The following ANO3 variants were observed in gnomAD, a reference collection of about 807,000 sequenced individuals.
ANO3 encodes the protein anoctamin-3.
ANO3 carries 99 observed loss-of-function variants against 144.8 expected under a neutral mutation model. That is an observed-to-expected ratio of 0.68 (90% CI 0.58 to 0.81). The LOEUF (loss-of-function observed/expected upper bound fraction) is 0.81, where lower values mean the gene tolerates loss of function less well. Ranked by LOEUF, ANO3 falls within the 30% of genes least tolerant of loss-of-function variation. The pLI, the probability that ANO3 is intolerant of heterozygous loss-of-function variation, is 0.00. For missense variants in ANO3, 905 were observed against 1,202.2 expected (o/e 0.75, Z 3.66); for synonymous variants, 414 against 392.6 (o/e 1.05, Z -0.64).
At chr11:26,272,081 C>T (rs764838773) in intron 1 of ANO3, among the ~76,000 whole-genome samples, 3 of 152,002 alleles carry the variant, frequency 2.0e-5, no homozygotes, top group Admixed American at 1.3e-4. Context: ...AATCGTCTCC[C>T]GGTGAGCGGT....
chr11:26,255,061 CTTG>C (rs956024687), intron 1 of ANO3, among the ~76,000 whole-genome samples: 47 of 152,226 alleles, frequency 3.1e-4, no homozygotes, highest in Admixed American at 8.5e-4. Context: ...TATGTTCAGC[CTTG>C]TTGTTTATTA....
upstream of ANO3, among the ~76,000 whole-genome samples, chr11:26,330,342 T>A (rs977152630): frequency 6.6e-6 from 1 of 152,154 alleles, no homozygotes; most frequent in African/African-American, 2.4e-5. Flanking sequence ...CTATACAATA[T>A]CTGTATTAAA....
In ANO3 at chr11:26,261,211, A is replaced by AT. The variant is rs200304589; in HGVS notation, c.155-48425dup. Among the ~76,000 whole-genome samples, 297 of 151,068 alleles carry AT rather than the reference A, an allele frequency of 2.0e-3. 2 individuals carry two copies. Among genetic ancestry groups the AT allele is most frequent in the African/African-American group, 6.3e-3 (258 of 41,240 alleles). ...GGTCACTTTGGGATGGCTTTTCACT[A>AT]TTTTTTTTTACTTGTCCATAAAAAA... On this transcript the variant is annotated intron_variant, in intron 1 of 27. Transcript: ENST00000672621.
chr11:26,477,570 C>T (rs1860031004), intron 4 of ANO3, among the ~76,000 whole-genome samples: 1 of 152,120 alleles, frequency 6.6e-6, no homozygotes, highest in South Asian at 2.1e-4. Flanking sequence ...ATTACATGTC[C>T]TCTTATCTGT....
intron 12 of ANO3, among the ~76,000 whole-genome samples, chr11:26,552,416 A>G: frequency 6.6e-6 from 1 of 152,234 alleles, no homozygotes; most frequent in East Asian, 1.9e-4. Flanking sequence ...CATTTTCTAA[A>G]GCCTTTAAAT....
chr11:26,525,758 C>A, intron 7 of ANO3, 79 bp downstream of exon 7: 1 of 1,077,376 alleles, frequency 9.3e-7, no homozygotes, highest in Non-Finnish European at 1.4e-6. Flanking sequence ...TTCCCCATAT[C>A]AGCAGTTGTA....
chr11:26,490,557 A>C (rs7942067), intron 4 of ANO3, among the ~76,000 whole-genome samples: 26,666 of 152,226 alleles, frequency 0.18, 2,579 homozygotes, highest in South Asian at 0.34. Context: ...ATTTCTGATA[A>C]GTCAGCATAG....
chr11:26,458,672 A>T (rs1230370773), intron 3 of ANO3, among the ~76,000 whole-genome samples: 1 of 152,180 alleles, frequency 6.6e-6, no homozygotes, highest in African/African-American at 2.4e-5. Context: ...ATATATAAGC[A>T]TACCATTCAT....
At chr11:26,303,944 A>T (rs369022904) in intron 1 of ANO3, among the ~76,000 whole-genome samples, 156 of 151,656 alleles carry the variant, frequency 1.0e-3, no homozygotes, top group African/African-American at 2.8e-3. Context: ...CGATCTCTTG[A>T]CCTCGTGATC....
intron 1 of ANO3, among the ~76,000 whole-genome samples, chr11:26,433,398 C>G (rs1164301028): frequency 6.6e-6 from 1 of 152,034 alleles, no homozygotes; most frequent in Non-Finnish European, 1.5e-5. Flanking sequence ...TCTCTCTTGC[C>G]TGATTGTTTT....
In ANO3 at chr11:26,443,687, T is replaced by C. The variant is rs561904810; in HGVS notation, c.242-78T>C. The C allele has an allele frequency of 7.6e-5, 48 of 629,576 alleles. No individual in the cohort carries two copies. In the East Asian group the frequency reaches 1.4e-3, roughly 18 times the overall value. 39.0% of individuals were successfully genotyped at this position (629,576 alleles called of 1,614,324 possible). A position where few individuals can be genotyped will look rare whatever the true frequency, so the allele number is the denominator to read the frequency against. ...TTTCATCATGTTTGGCCATCATTTG[T>C]CCATCTATAACCATGGTTATTTTTC... is the stretch of plus-strand genomic sequence containing the variant. On this transcript the variant is annotated intron_variant, in intron 2 of 26. Transcript: ENST00000256737.
intron 14 of ANO3, among the ~76,000 whole-genome samples, chr11:26,595,457 G>GTTTTTTTTTTTTTTTT (rs1411703035): frequency 1.8e-4 from 12 of 67,834 alleles, no homozygotes; most frequent in African/African-American, 5.2e-4. Context: ...TTGAGATAGA[G>GTTTTTTTTTTTTTTTT]TTGTTTTTTT....
intron 16 of ANO3, among the ~76,000 whole-genome samples, 180 bp downstream of exon 16, chr11:26,599,178 G>C (rs1234963897): frequency 6.6e-6 from 1 of 152,144 alleles, no homozygotes; most frequent in Non-Finnish European, 1.5e-5. Flanking sequence ...TACAAAGGCA[G>C]TTTGTGCACC....
intron 1 of ANO3, among the ~76,000 whole-genome samples, chr11:26,248,367 A>G (rs1000448664): frequency 6.6e-6 from 1 of 152,060 alleles, no homozygotes; most frequent in Non-Finnish European, 1.5e-5. Context: ...AAAGAAAGAA[A>G]GAAAAAGGAA....
chr11:26,519,787 G>C (rs1341481244), intron 6 of ANO3, among the ~76,000 whole-genome samples: 1 of 152,082 alleles, frequency 6.6e-6, no homozygotes, highest in African/African-American at 2.4e-5. Context: ...ATTGCAATTG[G>C]TAACAAATGT....
chr11:26,504,872 C>T (rs906061340), intron 4 of ANO3, among the ~76,000 whole-genome samples: 7 of 151,812 alleles, frequency 4.6e-5, no homozygotes, highest in African/African-American at 7.3e-5. Context: ...ATTAGCCGGG[C>T]GTGGTGGCGG....
At chr11:26,233,226 A>C (rs1264160144) in intron 1 of ANO3, among the ~76,000 whole-genome samples, 3 of 147,208 alleles carry the variant, frequency 2.0e-5, no homozygotes, top group Non-Finnish European at 3.0e-5. Flanking sequence ...CAAAAAAAAA[A>C]AAAGAAAAGA....
At position 26,660,935 on chromosome 11, in the gene ANO3, T is replaced by TCC. The variant is rs1853860771; in HGVS notation, c.*493_*494dup. 6.5e-6 allele frequency: 1 copy of TCC among 153,782 alleles called. No individual in the cohort carries two copies. Among genetic ancestry groups the TCC allele is most frequent in the African/African-American group, 2.4e-5 (1 of 41,468 alleles). The allele number at this position is 153,782 out of a possible 1,614,324, so 9.5% of individuals were successfully genotyped here. ...TTGCCTTGGCTGCCAGAACTCTACA[T>TCC]CCCTTCAGTTTACAGGTTGGTAGGA... On this transcript the variant is annotated 3_prime_UTR_variant, in exon 27 of 27. Transcript: ENST00000256737.
At chr11:26,354,848 T>C (rs950834792) in intron 1 of ANO3, among the ~76,000 whole-genome samples, 1 of 152,118 alleles carries the variant, frequency 6.6e-6, no homozygotes, top group African/African-American at 2.4e-5. Context: ...GGTGGTATCC[T>C]AAGATTGATT....
Sources: allele counts gnomAD v4.1 joint callset (sites outside exome capture counted in the v4.1 genomes callset), GRCh38; gene constraint gnomAD v4.1.1; transcripts MANE v1.5; gene names NCBI Gene and HGNC (gene_info 2026-07-23, HGNC 2026-07-21).